The following CPNE4 variants were observed in gnomAD, a reference collection of about 807,000 sequenced individuals.
CPNE4 encodes the protein copine-4.
In CPNE4, 25 loss-of-function variants were observed where a neutral mutation model predicts 67.9. The observed-to-expected ratio is 0.37, with a 90% CI of 0.27 to 0.51. The LOEUF is 0.51. Among genes scored for constraint, CPNE4 ranks in the 20% least tolerant of loss-of-function variants. The probability of loss-of-function intolerance (pLI) is 0.93; values close to 1 mark genes in which losing one functional copy is unlikely to be tolerated. For synonymous variants in CPNE4, 242 were observed against 244.9 expected (o/e 0.99, Z 0.11); for missense variants, 464 against 690.8 (o/e 0.67, Z 3.68).
chr3:131,982,958 A>C (rs1253940582), intron 1 of CPNE4, among the ~76,000 whole-genome samples: 1 of 152,190 alleles, frequency 6.6e-6, no homozygotes, highest in Admixed American at 6.5e-5. Flanking sequence ...AGCAAACAAA[A>C]TCTTTAAAGA....
At chr3:132,000,959 A>C (rs937201318) in intron 1 of CPNE4, among the ~76,000 whole-genome samples, 1 of 151,994 alleles carries the variant, frequency 6.6e-6, no homozygotes, top group Non-Finnish European at 1.5e-5. Flanking sequence ...TACAGATGAG[A>C]AAACTAAGGC....
chr3:131,618,213 G>A (rs1483719808), intron 7 of CPNE4, among the ~76,000 whole-genome samples: 1 of 152,128 alleles, frequency 6.6e-6, no homozygotes, highest in Non-Finnish European at 1.5e-5. Flanking sequence ...GGAAGGCAGA[G>A]GCAGCTGTAA....
intron 6 of CPNE4, among the ~76,000 whole-genome samples, chr3:131,681,176 C>T (rs1288411162): frequency 2.0e-5 from 3 of 152,188 alleles, no homozygotes; most frequent in Non-Finnish European, 4.4e-5. Context: ...TGGTAGTTTA[C>T]ACACCACAAT....
At chr3:131,663,968 G>T (rs1014757060) in intron 7 of CPNE4, among the ~76,000 whole-genome samples, 6 of 152,128 alleles carry the variant, frequency 3.9e-5, no homozygotes, top group African/African-American at 1.2e-4. Context: ...GGGGCGAATT[G>T]ATCCAGAACA....
chr3:131,558,138 C>A (rs1316524292), intron 11 of CPNE4, among the ~76,000 whole-genome samples: 1 of 151,888 alleles, frequency 6.6e-6, no homozygotes, highest in Non-Finnish European at 1.5e-5. Flanking sequence ...GGGAAAATGC[C>A]TCACCTACAA....
chr3:131,581,308 G>A (rs1937820137), intron 9 of CPNE4, among the ~76,000 whole-genome samples: 1 of 152,116 alleles, frequency 6.6e-6, no homozygotes, highest in African/African-American at 2.4e-5. Context: ...GCACTGCTCT[G>A]GGCAGAGATG....
chr3:131,803,049 T>C (rs1163858615), intron 2 of CPNE4, among the ~76,000 whole-genome samples: 2 of 152,180 alleles, frequency 1.3e-5, no homozygotes, highest in Non-Finnish European at 2.9e-5. Flanking sequence ...ATCTATCCAA[T>C]TCAGTTTCCA....
chr3:131,749,441 AAGTGCTCCAT>A lies in CPNE4; in HGVS notation c.181-25826_181-25817del, dbSNP rs150677445. ...ATGTACATGTTGCTGGTTTGGAGTGAAGTGCTCCATAACTTAATAAGATTTTGTTTCTTGA... is the reference window on the plus strand; with the variant it reads ...ATGTACATGTTGCTGGTTTGGAGTGAAACTTAATAAGATTTTGTTTCTTGA... On this transcript the variant is annotated intron_variant, in intron 2 of 15. Transcript: ENST00000429747. 4.7e-3 allele frequency among the ~76,000 whole-genome samples: 716 copies of A among 152,240 alleles called. 6 individuals are homozygous for A. The highest frequency in any genetic ancestry group is 0.016 in the African/African-American group (660 of 41,548).
intron 1 of CPNE4, among the ~76,000 whole-genome samples, chr3:131,928,132 T>C (rs1200659522): frequency 6.6e-6 from 1 of 152,156 alleles, no homozygotes; most frequent in Non-Finnish European, 1.5e-5. Flanking sequence ...TATATTACTT[T>C]TATATCAGAG....
At chr3:131,641,182 CA>C (rs1487117991) in intron 7 of CPNE4, among the ~76,000 whole-genome samples, 1 of 151,854 alleles carries the variant, frequency 6.6e-6, no homozygotes, top group African/African-American at 2.4e-5. Flanking sequence ...TTAATTAAAC[CA>C]AAAAGCTTCT....
chr3:131,761,868 G>C (rs1189265802), intron 2 of CPNE4, among the ~76,000 whole-genome samples: 2 of 152,136 alleles, frequency 1.3e-5, no homozygotes, highest in Non-Finnish European at 2.9e-5. Flanking sequence ...TGGCTGAGAA[G>C]AGATAAAACC....
At chr3:131,731,674 A>G (rs2082131117) in intron 2 of CPNE4, among the ~76,000 whole-genome samples, 1 of 152,136 alleles carries the variant, frequency 6.6e-6, no homozygotes, top group African/African-American at 2.4e-5. Flanking sequence ...AGAACTTTCC[A>G]TGATGTTCTT....
intron 1 of CPNE4, among the ~76,000 whole-genome samples, chr3:131,997,862 T>G (rs527501967): frequency 1.1e-4 from 16 of 152,034 alleles, no homozygotes; most frequent in Non-Finnish European, 1.8e-4. Context: ...GTAGAAAGTT[T>G]TTGAGTCGGA....
In CPNE4 at chr3:131,556,377, A is replaced by C. The variant is rs562677583; in HGVS notation, c.1062-826T>G. Among the ~76,000 whole-genome samples the C allele has an allele frequency of 1.6e-4, 25 of 152,214 alleles. No individual in the cohort carries two copies. The East Asian group carries it at 4.8e-3, about 30-fold the overall frequency. On this transcript the variant is annotated intron_variant, in intron 11 of 15. Transcript: ENST00000429747. ...GGTAATAGACCAAGACTCTATCTCA[A>C]AAGCAAAAAACAAGCAGTGGAAAGC...
At chr3:131,552,565 G>T in intron 12 of CPNE4, 74 bp from the exon 13 acceptor site, 1 of 1,258,666 alleles carries the variant, frequency 7.9e-7, no homozygotes. Context: ...AAGGCACTGG[G>T]GTTTAGAGTT....
At chr3:131,944,482 CT>C (rs1486000915) in intron 1 of CPNE4, among the ~76,000 whole-genome samples, 1 of 152,072 alleles carries the variant, frequency 6.6e-6, no homozygotes, top group Admixed American at 6.5e-5. Context: ...TAATATTTCA[CT>C]CTCCACAACA....
intron 7 of CPNE4, among the ~76,000 whole-genome samples, chr3:131,594,246 G>A (rs1332629414): frequency 1.3e-5 from 2 of 152,130 alleles, no homozygotes; most frequent in Non-Finnish European, 2.9e-5. Context: ...TAGCCAAAAT[G>A]ATCTTGAGAA....
chr3:131,814,419 G>T lies in CPNE4; in HGVS notation c.181-90794C>A, dbSNP rs115502587. ...CTCATAACTCACTTGCCAGTCACAA[G>T]CCCCTGCCAATCATAAGGGCCCAGG... On this transcript the variant is annotated intron_variant, in intron 2 of 15. Transcript: ENST00000429747. 4.6e-3 allele frequency among the ~76,000 whole-genome samples: 704 copies of T among 152,068 alleles called. 3 individuals carry two copies. The highest frequency in any genetic ancestry group is 0.016 in the African/African-American group (670 of 41,468).
intron 7 of CPNE4, among the ~76,000 whole-genome samples, chr3:131,609,990 T>C (rs1028424817): frequency 1.8e-4 from 28 of 152,296 alleles, no homozygotes; most frequent in African/African-American, 6.3e-4. Flanking sequence ...ATGAGTAAAG[T>C]AGGTTTGCAT....
Sources: gnomAD v4.1 joint callset for allele counts (sites outside exome capture counted in the v4.1 genomes callset) on GRCh38, gnomAD v4.1.1 for gene constraint, MANE v1.5 for transcripts, NCBI Gene and HGNC (gene_info 2026-07-23, HGNC 2026-07-21) for gene names.